Variants in WDR64 observed in about 807,000 individuals in gnomAD.
WDR64 encodes the protein WD repeat domain 64, also known as WD repeat-containing protein 64.
WDR64 carries 112 observed loss-of-function variants against 139.3 expected under a neutral mutation model. That is an observed-to-expected ratio of 0.80 (90% confidence interval 0.69 to 0.94). The LOEUF (loss-of-function observed/expected upper bound fraction) is 0.94, where lower values mean the gene tolerates loss of function less well. Ranked by LOEUF, WDR64 falls within the 40% of genes least tolerant of loss-of-function variation. The probability of loss-of-function intolerance (pLI) is 0.00; values close to 1 mark genes in which losing one functional copy is unlikely to be tolerated. For synonymous variants in WDR64, 444 were observed against 437.7 expected, an observed-to-expected ratio of 1.01 and a Z score of -0.18; for missense variants, 1,206 against 1,293.1, an observed-to-expected ratio of 0.93 and a Z score of 1.03.
intron 3 of WDR64, among the ~76,000 whole-genome samples, chr1:241,674,433 T>C (rs1452809718): frequency 1.3e-5 from 2 of 151,882 alleles, no homozygotes; most frequent in Non-Finnish European, 2.9e-5. Flanking sequence ...ATTTTGTGTT[T>C]TTGGTAGAGA....
intron 8 of WDR64, among the ~76,000 whole-genome samples, chr1:241,687,975 A>C (rs1667073417): frequency 1.3e-5 from 2 of 152,226 alleles, no homozygotes; most frequent in Non-Finnish European, 2.9e-5. Flanking sequence ...ACCAGTAATC[A>C]TGTTTCATGT....
intron 21 of WDR64, among the ~76,000 whole-genome samples, chr1:241,777,646 GACCTCAGGTGATCCACCC>G (rs1658707509): frequency 6.6e-6 from 1 of 151,758 alleles, no homozygotes; most frequent in Non-Finnish European, 1.5e-5. Context: ...TCGAACTCCT[GACCTCAGGTGATCCACCC>G]ACCTCAGCCT....
At chr1:241,787,470 G>A (rs1043530823) in intron 23 of WDR64, among the ~76,000 whole-genome samples, 1 of 151,726 alleles carries the variant, frequency 6.6e-6, no homozygotes, top group African/African-American at 2.4e-5. Flanking sequence ...TTCAAGACCA[G>A]CCTGGCCAAA....
chr1:241,779,490 T>C (rs981978519), intron 21 of WDR64, among the ~76,000 whole-genome samples: 1 of 152,102 alleles, frequency 6.6e-6, no homozygotes, highest in East Asian at 1.9e-4. Context: ...AGCAATCTCA[T>C]TAAGACTTAC....
At chr1:241,754,320 CTTTTTT>C (rs71174845) in intron 14 of WDR64, among the ~76,000 whole-genome samples, 64 of 81,852 alleles carry the variant, frequency 7.8e-4, no homozygotes, top group African/African-American at 2.8e-3. Flanking sequence ...TTTTCTTTTT[CTTTTTT>C]TTTTTTTTTT....
chr1:241,671,387 A>T (rs1342144202), intron 3 of WDR64, among the ~76,000 whole-genome samples: 1 of 152,188 alleles, frequency 6.6e-6, no homozygotes, highest in Non-Finnish European at 1.5e-5. Flanking sequence ...TCTTTGAAGG[A>T]CACTAAATAG....
At chr1:241,698,239 T>C (rs1667573898) in intron 8 of WDR64, among the ~76,000 whole-genome samples, 1 of 152,160 alleles carries the variant, frequency 6.6e-6, no homozygotes, top group South Asian at 2.1e-4. Context: ...TCCATCACTC[T>C]AGCTGGAAAC....
chr1:241,783,620 T>C (rs2148319160), intron 23 of WDR64, among the ~76,000 whole-genome samples: 1 of 152,340 alleles, frequency 6.6e-6, no homozygotes, highest in African/African-American at 2.4e-5. Context: ...ACAAATGCTT[T>C]TGATAAAAGT....
intron 26 of WDR64, 43 bp from the exon 27 acceptor site, chr1:241,796,213 TA>T: frequency 7.0e-7 from 1 of 1,427,878 alleles, no homozygotes. Flanking sequence ...ATTACAGAAG[TA>T]ATCACTTTGA....
intron 27 of WDR64, among the ~76,000 whole-genome samples, chr1:241,800,769 AATT>A (rs1477491744): frequency 2.6e-5 from 4 of 152,328 alleles, no homozygotes; most frequent in African/African-American, 7.2e-5. Context: ...AATATTAATT[AATT>A]ATTAATTGTG....
chr1:241,796,573 A>G (rs1342635018), intron 27 of WDR64, among the ~76,000 whole-genome samples: 1 of 148,966 alleles, frequency 6.7e-6, no homozygotes, highest in Non-Finnish European at 1.5e-5. Context: ...GCTCACTGCA[A>G]CCTCCGCCTA....
At chr1:241,670,884 C>G (rs1002460349) in intron 2 of WDR64, among the ~76,000 whole-genome samples, 190 bp from the exon 3 acceptor site, 1 of 152,176 alleles carries the variant, frequency 6.6e-6, no homozygotes, top group African/African-American at 2.4e-5. Flanking sequence ...GAAACTGGTG[C>G]CTGGTGTCAA....
At chr1:241,728,785 A>T (rs977450442) in intron 10 of WDR64, among the ~76,000 whole-genome samples, 1 of 152,064 alleles carries the variant, frequency 6.6e-6, no homozygotes, top group African/African-American at 2.4e-5. Context: ...AACCTTCTCA[A>T]GCACAGTTCT....
chr1:241,743,954 T>A (rs1669650138), intron 12 of WDR64, among the ~76,000 whole-genome samples: 1 of 152,170 alleles, frequency 6.6e-6, no homozygotes, highest in African/African-American at 2.4e-5. Context: ...GTGAGCTCTT[T>A]CCTCAGGGTT....
chr1:241,694,929 C>T (rs1359432478), intron 8 of WDR64, among the ~76,000 whole-genome samples: 12 of 152,140 alleles, frequency 7.9e-5, no homozygotes, highest in Non-Finnish European at 1.5e-4. Context: ...ATCTAAGCCA[C>T]GACCCCTGCC....
intron 10 of WDR64, among the ~76,000 whole-genome samples, chr1:241,728,235 A>C (rs1668925361): frequency 6.6e-6 from 1 of 152,114 alleles, no homozygotes; most frequent in South Asian, 2.1e-4. Context: ...TGGGAGGCTG[A>C]GGCAGGAGAA....
Position 241,802,187 on chromosome 1 carries a change from G to A in WDR64, c.*972G>A, listed in dbSNP as rs1449531951. The A allele has an allele frequency of 5.0e-6, 2 of 397,990 alleles. No individual in the cohort carries two copies. Among genetic ancestry groups the A allele is most frequent in the Non-Finnish European group, 8.9e-6 (2 of 225,836 alleles). 24.7% of individuals were successfully genotyped at this position (397,990 alleles called of 1,614,324 possible). A position where few individuals can be genotyped will look rare whatever the true frequency, so the allele number is the denominator to read the frequency against. ...AAGAATGACTAAACAAACTATGGTA[G>A]GGTAGGACAATGGAATCCTCAGCAA... On this transcript the variant is annotated 3_prime_UTR_variant, in exon 28 of 28. Transcript: ENST00000437684.
chr1:241,681,188 T>C (rs1317857593), intron 6 of WDR64, among the ~76,000 whole-genome samples: 21 of 152,124 alleles, frequency 1.4e-4, no homozygotes, highest in Admixed American at 1.4e-3. Context: ...AGCTCTTTAG[T>C]GGCGATTTGT....
chr1:241,783,745 AAG>A (rs1368800295), intron 23 of WDR64, among the ~76,000 whole-genome samples: 1 of 152,234 alleles, frequency 6.6e-6, no homozygotes, highest in East Asian at 1.9e-4. Context: ...AGTAATAGAA[AAG>A]AGCAATTGAT....
Sources: gnomAD v4.1 joint callset for allele counts (sites outside exome capture counted in the v4.1 genomes callset) on GRCh38, gnomAD v4.1.1 for gene constraint, MANE v1.5 for transcripts, NCBI Gene and HGNC (gene_info 2026-07-23, HGNC 2026-07-21) for gene names.